The following ASAP1 variants were observed in gnomAD, a reference collection of about 807,000 sequenced individuals.
ASAP1 encodes ArfGAP with SH3 domain, ankyrin repeat and PH domain 1, also known as arf-GAP with SH3 domain, ANK repeat and PH domain-containing protein 1.
ASAP1 carries 43 observed loss-of-function variants against 145.2 expected under a neutral mutation model. The observed-to-expected ratio is 0.30, with a 90% confidence interval of 0.23 to 0.38. The LOEUF is 0.38. Ranked by LOEUF, ASAP1 falls within the 10% of genes least tolerant of loss-of-function variation. The pLI, the probability that ASAP1 is intolerant of heterozygous loss-of-function variation, is 1.00. For synonymous variants in ASAP1, 546 were observed against 515.5 expected (o/e 1.06, Z -0.80); for missense variants, 1,018 against 1,355.3 (o/e 0.75, Z 3.91).
intron 3 of ASAP1, among the ~76,000 whole-genome samples, chr8:130,303,938 T>C (rs1277388841): frequency 6.6e-6 from 1 of 152,238 alleles, no homozygotes; most frequent in African/African-American, 2.4e-5. Flanking sequence ...ACCCTTGTCA[T>C]GGTTAATGAA....
chr8:130,250,855 C>CA (rs1174203887), intron 3 of ASAP1, among the ~76,000 whole-genome samples: 1 of 151,928 alleles, frequency 6.6e-6, no homozygotes, highest in East Asian at 1.9e-4. Flanking sequence ...CTGGAGAAAA[C>CA]AATTAATCTG....
chr8:130,332,266 C>T (rs1418443041), intron 3 of ASAP1, among the ~76,000 whole-genome samples: 5 of 152,196 alleles, frequency 3.3e-5, no homozygotes, highest in Non-Finnish European at 7.3e-5. Context: ...TACAGGTCTA[C>T]ACCATATCAC....
At chr8:130,165,751 T>C (rs2097678658) in intron 11 of ASAP1, among the ~76,000 whole-genome samples, 1 of 152,178 alleles carries the variant, frequency 6.6e-6, no homozygotes. Flanking sequence ...CAATCCCCAG[T>C]GCATATACCT....
At position 130,072,824 on chromosome 8, in the gene ASAP1, T is replaced by TGTGTGTGTGTGTGTGCGCGC; in HGVS notation, c.2701+3523_2701+3524insGCGCGCACACACACACACAC. On this transcript the variant is annotated intron_variant, in intron 27 of 29. Coordinates refer to ENST00000518721, the MANE Select transcript of ASAP1 (RefSeq NM_018482.4). The stretch of plus-strand genomic sequence containing the variant: ...GTGTGTGTGTGTGTGTGTGTGTGTG[T>TGTGTGTGTGTGTGTGCGCGC]GCGCGCGGGGGGGGGCAGTTTTGGG... Among the ~76,000 whole-genome samples the TGTGTGTGTGTGTGTGCGCGC allele has an allele frequency of 7.1e-4, 23 of 32,286 alleles. 2 individuals are homozygous for TGTGTGTGTGTGTGTGCGCGC. The highest frequency in any genetic ancestry group is 3.4e-3 in the South Asian group (2 of 588). 21.2% of individuals were successfully genotyped at this position (32,286 alleles called of 152,430 possible). A position where few individuals can be genotyped will look rare whatever the true frequency, so the allele number is the denominator to read the frequency against.
chr8:130,236,708 C>T (rs1393119029), intron 4 of ASAP1, among the ~76,000 whole-genome samples: 2 of 152,050 alleles, frequency 1.3e-5, no homozygotes, highest in African/African-American at 4.8e-5. Flanking sequence ...CAGTAAAATC[C>T]ACTGTGACTA....
intron 12 of ASAP1, among the ~76,000 whole-genome samples, chr8:130,157,022 T>C (rs1188123668): frequency 6.6e-6 from 1 of 152,238 alleles, no homozygotes; most frequent in African/African-American, 2.4e-5. Flanking sequence ...TAATAGTACA[T>C]TGTTGCTCAT....
At chr8:130,250,612 T>C (rs1231868241) in intron 3 of ASAP1, among the ~76,000 whole-genome samples, 1 of 152,158 alleles carries the variant, frequency 6.6e-6, no homozygotes, top group Non-Finnish European at 1.5e-5. Flanking sequence ...ACAGATCTGG[T>C]CATTGTGGGT....
intron 5 of ASAP1, among the ~76,000 whole-genome samples, chr8:130,211,878 C>T (rs1371589267): frequency 1.3e-5 from 2 of 152,184 alleles, no homozygotes; most frequent in Non-Finnish European, 2.9e-5. Context: ...CTGGCCTTCA[C>T]TAGCCTAAGA....
At chr8:130,312,007 C>G (rs1048713121) in intron 3 of ASAP1, among the ~76,000 whole-genome samples, 4 of 151,950 alleles carry the variant, frequency 2.6e-5, no homozygotes, top group African/African-American at 9.7e-5. Context: ...TACTCTTGTT[C>G]ACCTCATTAA....
At position 130,099,368 on chromosome 8, in the gene ASAP1, G is replaced by C. The variant is rs186772451; in HGVS notation, c.2402-7225C>G. The stretch of plus-strand genomic sequence containing the variant: ...TAATTTTTTTTGTATTTTTAGTAGA[G>C]ACGGGGTTTCACCATGTTAGCCAGG... On this transcript the variant is annotated intron_variant, in intron 24 of 29. Coordinates refer to ENST00000518721, the MANE Select transcript of ASAP1 (RefSeq NM_018482.4). 6.2e-3 allele frequency among the ~76,000 whole-genome samples: 949 copies of C among 152,080 alleles called. 9 individuals carry two copies. The highest frequency in any genetic ancestry group is 0.022 in the African/African-American group (911 of 41,474).
intron 3 of ASAP1, among the ~76,000 whole-genome samples, chr8:130,311,761 C>CAAAAAAAAAAAAAAAAA (rs201264577): frequency 5.9e-5 from 5 of 85,346 alleles, no homozygotes; most frequent in African/African-American, 1.1e-4. Flanking sequence ...AACTCCGTCT[C>CAAAAAAAAAAAAAAAAA]AAAAAAAAAA....
chr8:130,118,692 T>C lies in ASAP1; in HGVS notation c.1608-17A>G. 1 of 1,420,628 alleles carries C rather than the reference T, an allele frequency of 7.0e-7. No homozygotes were observed. The highest frequency in any genetic ancestry group is 9.3e-7 in the Non-Finnish European group (1 of 1,072,986). 88.0% of individuals were successfully genotyped at this position (1,420,628 alleles called of 1,614,324 possible). A position where few individuals can be genotyped will look rare whatever the true frequency, so the allele number is the denominator to read the frequency against. On this transcript the variant is annotated splice_polypyrimidine_tract_variant and intron_variant, in intron 18 of 29. Transcript: ENST00000518721. Reference sequence around the variant, plus strand: ...CGTACAGTCCTAAAACAGAACAAAATAAAGAATTTTTATTTTCCAAGTGCT... The same window carrying C: ...CGTACAGTCCTAAAACAGAACAAAACAAAGAATTTTTATTTTCCAAGTGCT...
chr8:130,104,126 C>T (rs949789507), intron 24 of ASAP1, among the ~76,000 whole-genome samples: 1 of 152,170 alleles, frequency 6.6e-6, no homozygotes, highest in Non-Finnish European at 1.5e-5. Context: ...GCCCGGCATG[C>T]TCTGGGTACT....
At chr8:130,271,699 G>A (rs1193262491) in intron 3 of ASAP1, among the ~76,000 whole-genome samples, 1 of 152,130 alleles carries the variant, frequency 6.6e-6, no homozygotes, top group African/African-American at 2.4e-5. Context: ...ATCACCCACT[G>A]AACTAAACTT....
Position 130,370,291 on chromosome 8 carries a change from C to G in ASAP1, c.60-12148G>C, listed in dbSNP as rs762289822. Among the ~76,000 whole-genome samples, 4 of 152,076 alleles carry G rather than the reference C, an allele frequency of 2.6e-5. No homozygotes were observed. In the South Asian group the frequency reaches 8.3e-4, roughly 31 times the overall value. On this transcript the variant is annotated intron_variant, in intron 2 of 29. Coordinates refer to ENST00000518721, the MANE Select transcript of ASAP1 (RefSeq NM_018482.4). Reference sequence around the variant, plus strand: ...CATTCCAGCCTGGGGGGTGACAGAGCAAGACCCCATCTCAAAAACAAACAA... The same window carrying G: ...CATTCCAGCCTGGGGGGTGACAGAGGAAGACCCCATCTCAAAAACAAACAA...
rs573977294 is a variant in ASAP1 at position 130,327,842 on chromosome 8, T to TA, written c.186+30174dup. ...TTGACTGTGCAACTCTGAATATAGT[T>TA]AAAAAACACTGCATTGTATACTTCA... On this transcript the variant is annotated intron_variant, in intron 3 of 29. Transcript: ENST00000518721. Among the ~76,000 whole-genome samples, 8 of 152,302 alleles carry TA rather than the reference T, an allele frequency of 5.3e-5. No homozygotes were observed. In the East Asian group the frequency reaches 1.5e-3, roughly 29 times the overall value.
At chr8:130,192,965 C>T (rs147873384) in intron 5 of ASAP1, among the ~76,000 whole-genome samples, 4 of 151,840 alleles carry the variant, frequency 2.6e-5, no homozygotes, top group African/African-American at 9.7e-5. Flanking sequence ...TAAACAACAG[C>T]CAAAAAAAAC....
chr8:130,169,228 A>C (rs560243333), intron 9 of ASAP1, among the ~76,000 whole-genome samples, 161 bp from the exon 10 acceptor site: 1 of 152,372 alleles, frequency 6.6e-6, no homozygotes, highest in African/African-American at 2.4e-5. Context: ...TCTATACAAG[A>C]CAGTTATAAA....
chr8:130,140,269 G>C (rs1255920133), intron 13 of ASAP1, among the ~76,000 whole-genome samples: 1 of 151,468 alleles, frequency 6.6e-6, no homozygotes, highest in East Asian at 1.9e-4. Flanking sequence ...TTAAACTCCT[G>C]AGCTCAAGTG....
Sources: gnomAD v4.1 joint callset for allele counts (sites outside exome capture counted in the v4.1 genomes callset) on GRCh38, gnomAD v4.1.1 for gene constraint, MANE v1.5 for transcripts, NCBI Gene and HGNC (gene_info 2026-07-23, HGNC 2026-07-21) for gene names.